The following ITSN1 variants were observed in gnomAD, a reference collection of about 807,000 sequenced individuals.
The protein encoded by ITSN1 is intersectin-1.
Under a neutral mutation model 239.8 loss-of-function variants are expected in ITSN1, and 58 were observed. The observed-to-expected ratio is 0.24, with a 90% confidence interval of 0.20 to 0.30. ITSN1 has a LOEUF of 0.30. Ranked by LOEUF, ITSN1 falls within the 10% of genes least tolerant of loss-of-function variation. ITSN1 has a pLI of 1.00. For missense variants in ITSN1, 1,558 were observed against 2,103.3 expected (o/e 0.74, Z 5.07); for synonymous variants, 780 against 770.8 (o/e 1.01, Z -0.20).
chr21:33,646,157 T>A (rs2087926649), intron 1 of ITSN1, among the ~76,000 whole-genome samples: 2 of 152,202 alleles, frequency 1.3e-5, no homozygotes, highest in African/African-American at 4.8e-5. Context: ...AGTCACTGAT[T>A]TTATAAATTA....
In ITSN1 at chr21:33,797,678, C is replaced by G; in HGVS notation, c.2182+70C>G. The G allele has an allele frequency of 8.0e-7, 1 of 1,243,672 alleles. No homozygotes were observed. Among genetic ancestry groups the G allele is most frequent in the African/African-American group, 1.5e-5 (1 of 66,742 alleles). 77.0% of individuals were successfully genotyped at this position (1,243,672 alleles called of 1,614,324 possible). On this transcript the variant is annotated intron_variant, in intron 18 of 39. Transcript: ENST00000381318. This position sits in a 1 kb window ranked among gnomAD's most constrained non-coding sequence, Gnocchi z 4.9. ...TCCCAGAGCCTCCTGAAAAATGCCC[C>G]TATCTCATCAGTACCTGTCTTGGCT...
intron 1 of ITSN1, among the ~76,000 whole-genome samples, chr21:33,646,461 C>T (rs1416702272): frequency 2.0e-5 from 3 of 152,102 alleles, no homozygotes; most frequent in African/African-American, 4.8e-5. Flanking sequence ...TTATGTTTTC[C>T]AATTTCACTT....
At chr21:33,785,696 G>A (rs965845275) in intron 16 of ITSN1, among the ~76,000 whole-genome samples, 3 of 152,138 alleles carry the variant, frequency 2.0e-5, no homozygotes, top group Admixed American at 1.3e-4. Flanking sequence ...AAAACATAAG[G>A]CATACTTATA....
At chr21:33,690,298 G>T (rs1376801401) in intron 1 of ITSN1, among the ~76,000 whole-genome samples, 1 of 144,056 alleles carries the variant, frequency 6.9e-6, no homozygotes, top group East Asian at 2.1e-4. Flanking sequence ...AAAAATAAAT[G>T]AACAAAAATA....
intron 22 of ITSN1, chr21:33,814,414 G>C: frequency 4.0e-6 from 1 of 252,420 alleles, no homozygotes; most frequent in East Asian, 8.3e-5. Context: ...CTCGAAGGCA[G>C]ACAGTCAGAA....
chr21:33,684,073 CTA>C (rs2091113591), intron 1 of ITSN1, among the ~76,000 whole-genome samples: 1 of 152,160 alleles, frequency 6.6e-6, no homozygotes. Flanking sequence ...ATTTCCCATG[CTA>C]TGTTTTATTT....
chr21:33,721,216 G>A lies in ITSN1; in HGVS notation c.67G>A (p.Ala23Thr). The A allele has an allele frequency of 6.2e-7, 1 of 1,613,610 alleles. No individual in the cohort carries two copies. The highest frequency in any genetic ancestry group is 1.1e-5 in the South Asian group (1 of 91,074). ...CTGGGCCATAACTGTAGAGGAAAGAGCGAAGCATGATCAGCAGTTCCATAG... is the reference window on the plus strand; with the variant it reads ...CTGGGCCATAACTGTAGAGGAAAGAACGAAGCATGATCAGCAGTTCCATAG... Reference protein sequence around the residue: ...DIWAITVEERAKHDQQFHSLK... With the variant: ...DIWAITVEERTKHDQQFHSLK... Residue 23 changes from alanine to threonine, a missense_variant, in exon 3 of 40, where the codon GCG (alanine) becomes ACG (threonine). Coordinates refer to ENST00000381318, the MANE Select transcript of ITSN1 (RefSeq NM_003024.3).
rs1602451597 is a variant in ITSN1, at chr21:33,823,371, T to G, written c.3017-116T>G. 7.7e-6 allele frequency: 7 copies of G among 904,740 alleles called. No individual in the cohort carries two copies. In the East Asian group the frequency reaches 1.7e-4, roughly 22 times the overall value. The allele number at this position is 904,740 out of a possible 1,614,324, so 56.0% of individuals were successfully genotyped here. ...CTGTATTTTATCTGTGACTAGCCTT[T>G]CTCTTGAATGGATCTTGTCCTAACT... On this transcript the variant is annotated intron_variant, in intron 24 of 39. Transcript: ENST00000381318.
intron 16 of ITSN1, among the ~76,000 whole-genome samples, chr21:33,791,284 C>A (rs374007820): frequency 6.6e-6 from 1 of 152,308 alleles, no homozygotes. Context: ...GATAGAAAAA[C>A]TTTGCCATCT....
intron 34 of ITSN1, among the ~76,000 whole-genome samples, chr21:33,876,899 G>GTAGATA (rs147788123): frequency 0.25 from 37,819 of 150,920 alleles, 5,664 homozygotes; most frequent in East Asian, 0.42. Flanking sequence ...AGATATAGAT[G>GTAGATA]TAGATATAGA....
intron 29 of ITSN1, among the ~76,000 whole-genome samples, chr21:33,848,853 C>A (rs186969694): frequency 6.6e-6 from 1 of 152,230 alleles, no homozygotes; most frequent in Non-Finnish European, 1.5e-5. Flanking sequence ...CCCTCACCAC[C>A]GATATTAGCC....
At chr21:33,757,378 G>A (rs1407758658) in intron 8 of ITSN1, among the ~76,000 whole-genome samples, 2 of 151,932 alleles carry the variant, frequency 1.3e-5, no homozygotes, top group East Asian at 1.9e-4. Flanking sequence ...GAAATATACT[G>A]GAAAGAAAGC....
chr21:33,812,634 G>A (rs1040876557), intron 21 of ITSN1, among the ~76,000 whole-genome samples: 12 of 152,066 alleles, frequency 7.9e-5, no homozygotes, highest in Non-Finnish European at 1.6e-4. Context: ...AAGTAGCTGG[G>A]CCTACAGGTG....
At chr21:33,784,096 T>G (rs1000232189) in intron 16 of ITSN1, among the ~76,000 whole-genome samples, 1 of 152,200 alleles carries the variant, frequency 6.6e-6, no homozygotes. Flanking sequence ...TGCTTATTTT[T>G]AAATAAGAGT....
At chr21:33,825,605 C>G (rs1290978104) in intron 25 of ITSN1, among the ~76,000 whole-genome samples, 4 of 152,176 alleles carry the variant, frequency 2.6e-5, no homozygotes, top group African/African-American at 7.2e-5. Flanking sequence ...AAAGGGAGCA[C>G]ATTGAAACTA....
At chr21:33,886,217 A>G (rs1985777175) in intron 38 of ITSN1, 70 bp from the exon 39 acceptor site, 1 of 1,335,744 alleles carries the variant, frequency 7.5e-7, no homozygotes. Context: ...ATCTAAAAAA[A>G]AAAAAAAAAA....
intron 1 of ITSN1, among the ~76,000 whole-genome samples, chr21:33,654,010 A>ATTCC (rs1206419403): frequency 6.7e-6 from 1 of 150,096 alleles, no homozygotes; most frequent in Non-Finnish European, 1.5e-5. Flanking sequence ...TTACCCTTTA[A>ATTCC]TTCCTTCCTT....
chr21:33,786,884 G>A (rs1909265882), intron 16 of ITSN1, among the ~76,000 whole-genome samples: 3 of 152,106 alleles, frequency 2.0e-5, no homozygotes, highest in African/African-American at 2.4e-5. Flanking sequence ...CCTGGGCTGC[G>A]TCATCCACTT....
chr21:33,772,528 C>CT (rs1165232479), intron 12 of ITSN1, among the ~76,000 whole-genome samples: 2 of 152,212 alleles, frequency 1.3e-5, no homozygotes, highest in African/African-American at 2.4e-5. Context: ...CTCCCCATTT[C>CT]TTTCTCCCTC....
Sources: gnomAD v4.1 joint callset for allele counts (sites outside exome capture counted in the v4.1 genomes callset) on GRCh38, gnomAD v4.1.1 for gene constraint, Gnocchi (gnomAD v3.1) non-coding constraint, MANE v1.5 for transcripts, NCBI Gene and HGNC (gene_info 2026-07-23, HGNC 2026-07-21) for gene names.